The following TSPAN14 variants were observed in gnomAD, a reference collection of about 807,000 sequenced individuals.
TSPAN14 encodes tetraspanin 14.
A neutral mutation model predicts 36.6 loss-of-function variants in TSPAN14; 16 were observed. The observed-to-expected ratio is 0.44, with a 90% CI of 0.30 to 0.66. The LOEUF (loss-of-function observed/expected upper bound fraction) is 0.66. Ranked by LOEUF, TSPAN14 falls within the 30% of genes least tolerant of loss-of-function variation. TSPAN14 has a pLI of 0.12. For synonymous variants in TSPAN14, 139 were observed against 143.8 expected, an observed-to-expected ratio of 0.97 and a Z score of 0.24; for missense variants, 231 against 355.1, an observed-to-expected ratio of 0.65 and a Z score of 2.81.
At chr10:80,470,149 G>A (rs565930063) in intron 1 of TSPAN14, among the ~76,000 whole-genome samples, 18 of 152,214 alleles carry the variant, frequency 1.2e-4, no homozygotes, top group South Asian at 4.1e-4. Context: ...GCAATGGTGC[G>A]TTCTCAGCTC....
chr10:80,483,911 CAAAAAAAAAAAAAAA>C (rs57795678), intron 1 of TSPAN14, among the ~76,000 whole-genome samples: 393 of 16,500 alleles, frequency 0.024, 1 homozygote, highest in Non-Finnish European at 0.035. Flanking sequence ...ACTCTTGTCT[CAAAAAAAAAAAAAAA>C]AAAAAAAAAA....
chr10:80,507,242 C>T (rs148704522), exon 4 of TSPAN14: 15 of 1,614,228 alleles, frequency 9.3e-6, no homozygotes, highest in Middle Eastern at 1.6e-4. Flanking sequence ...TGCTGTCCGA[C>T]CTCACCAAAG....
chr10:80,479,217 G>A (rs375800803), intron 1 of TSPAN14, among the ~76,000 whole-genome samples: 9 of 150,810 alleles, frequency 6.0e-5, no homozygotes, highest in African/African-American at 1.5e-4. Flanking sequence ...AGTAGGTTGC[G>A]AAAATTTTCT....
chr10:80,482,058 G>T (rs1236565686), intron 1 of TSPAN14, among the ~76,000 whole-genome samples: 1 of 152,142 alleles, frequency 6.6e-6, no homozygotes, highest in Admixed American at 6.5e-5. Context: ...CAGCCTACAT[G>T]CAGACAGTTC....
At chr10:80,498,192 T>C (rs750861787) in intron 2 of TSPAN14, among the ~76,000 whole-genome samples, 3 of 152,182 alleles carry the variant, frequency 2.0e-5, no homozygotes, top group Non-Finnish European at 4.4e-5. Flanking sequence ...CAAGCATCTC[T>C]GTTGTTTCCT....
chr10:80,464,643 C>T (rs1012238316), intron 1 of TSPAN14, among the ~76,000 whole-genome samples: 1 of 152,190 alleles, frequency 6.6e-6, no homozygotes, highest in Non-Finnish European at 1.5e-5. Context: ...AACTTCTCAC[C>T]ATTGCGGTTA....
intron 2 of TSPAN14, among the ~76,000 whole-genome samples, chr10:80,503,297 A>G (rs922615164): frequency 2.6e-5 from 4 of 152,176 alleles, no homozygotes; most frequent in African/African-American, 9.7e-5. Flanking sequence ...GTGTGGTGTG[A>G]TATGGTAGAA....
At chr10:80,495,689 G>T (rs912844392) in intron 2 of TSPAN14, among the ~76,000 whole-genome samples, 2 of 152,162 alleles carry the variant, frequency 1.3e-5, no homozygotes, top group Non-Finnish European at 2.9e-5. Context: ...TAAATAATCA[G>T]CATGGCATAG....
chr10:80,483,170 TATG>T (rs1259370775), intron 1 of TSPAN14, among the ~76,000 whole-genome samples: 5 of 152,210 alleles, frequency 3.3e-5, no homozygotes, highest in Non-Finnish European at 7.4e-5. Flanking sequence ...GAGCCCTGTT[TATG>T]ATGACTGCCA....
exon 8 of TSPAN14, chr10:80,516,256 T>C: frequency 1.2e-6 from 2 of 1,614,210 alleles, no homozygotes; most frequent in Non-Finnish European, 8.5e-7. Context: ...ATCCAGGCGC[T>C]GGAAAGCTGG....
chr10:80,496,115 T>G (rs1472784910), intron 2 of TSPAN14, among the ~76,000 whole-genome samples: 1 of 152,246 alleles, frequency 6.6e-6, no homozygotes, highest in African/African-American at 2.4e-5. Flanking sequence ...AACAGAACAT[T>G]TGTTATTAAA....
intron 2 of TSPAN14, among the ~76,000 whole-genome samples, chr10:80,501,801 T>C (rs1564737402): frequency 6.6e-6 from 1 of 152,186 alleles, no homozygotes; most frequent in African/African-American, 2.4e-5. Context: ...GAAGTGTGCC[T>C]GGGGGTAGCT....
chr10:80,489,972 A>G (rs1239171426), intron 2 of TSPAN14, among the ~76,000 whole-genome samples: 2 of 152,218 alleles, frequency 1.3e-5, no homozygotes, highest in Non-Finnish European at 2.9e-5. Flanking sequence ...AAGGACAAAC[A>G]GAAGGCCATG....
intron 1 of TSPAN14, among the ~76,000 whole-genome samples, chr10:80,481,486 A>C (rs934455280): frequency 2.6e-5 from 4 of 152,204 alleles, no homozygotes; most frequent in African/African-American, 4.8e-5. Flanking sequence ...TCACATGGTC[A>C]TAATAAGGTC....
chr10:80,466,083 G>C (rs1422361648), intron 1 of TSPAN14, among the ~76,000 whole-genome samples: 1 of 152,160 alleles, frequency 6.6e-6, no homozygotes, highest in East Asian at 1.9e-4. Flanking sequence ...CTTTGAAATA[G>C]AGTTGTTTTG....
intron 1 of TSPAN14, among the ~76,000 whole-genome samples, chr10:80,462,275 C>T (rs1846013798): frequency 7.1e-6 from 1 of 141,716 alleles, no homozygotes. Context: ...TCCCTGTGGT[C>T]TGGGCGGTCT....
chr10:80,507,641 C>T (rs1476271978), intron 4 of TSPAN14, among the ~76,000 whole-genome samples: 1 of 152,214 alleles, frequency 6.6e-6, no homozygotes, highest in Non-Finnish European at 1.5e-5. Context: ...CGCTCCTTTG[C>T]CTTTTATCTT....
chr10:80,472,650 C>T (rs558109031), intron 1 of TSPAN14, among the ~76,000 whole-genome samples: 1 of 152,192 alleles, frequency 6.6e-6, no homozygotes, highest in Non-Finnish European at 1.5e-5. Flanking sequence ...CTACATTTAT[C>T]ATTTAACTAT....
At chr10:80,473,444 G>C (rs370943712) in intron 1 of TSPAN14, among the ~76,000 whole-genome samples, 8 of 152,328 alleles carry the variant, frequency 5.3e-5, no homozygotes, top group East Asian at 3.9e-4. Flanking sequence ...GTGGAGCTCA[G>C]AGCTGGGGCC....
Sources: allele counts gnomAD v4.1 joint callset (sites outside exome capture counted in the v4.1 genomes callset), GRCh38; gene constraint gnomAD v4.1.1; transcripts MANE v1.5; gene names NCBI Gene and HGNC (gene_info 2026-07-23, HGNC 2026-07-21).